Variants in LRRK1 observed in about 807,000 individuals in gnomAD.
The protein encoded by LRRK1 is leucine rich repeat kinase 1.
In LRRK1, 113 loss-of-function variants were observed where a neutral mutation model predicts 209.1. That is an observed-to-expected ratio of 0.54 (90% CI 0.46 to 0.63). LRRK1 has a LOEUF of 0.63. Ranked by LOEUF, LRRK1 falls within the 30% of genes least tolerant of loss-of-function variation. The pLI is 0.00. For missense variants in LRRK1, 2,284 were observed against 2,632.2 expected (o/e 0.87, Z 2.89); for synonymous variants, 1,144 against 1,099.7 (o/e 1.04, Z -0.80).
At chr15:100,922,582 CTG>C (rs1444014908) in intron 1 of LRRK1, among the ~76,000 whole-genome samples, 1 of 152,156 alleles carries the variant, frequency 6.6e-6, no homozygotes, top group Non-Finnish European at 1.5e-5. Flanking sequence ...CAGATGGCAA[CTG>C]TGCTTCTCAG....
At chr15:100,992,505 T>G (rs983211863) in intron 6 of LRRK1, among the ~76,000 whole-genome samples, 1 of 152,246 alleles carries the variant, frequency 6.6e-6, no homozygotes, top group African/African-American at 2.4e-5. Context: ...CTTTCAAACT[T>G]AATCAAATTA....
intron 6 of LRRK1, among the ~76,000 whole-genome samples, chr15:101,005,006 T>C (rs2032874987): frequency 6.6e-6 from 1 of 152,246 alleles, no homozygotes; most frequent in South Asian, 2.1e-4. Flanking sequence ...CCCTGCATCT[T>C]GCATTTGGCT....
chr15:100,937,977 A>C (rs1178632301), intron 2 of LRRK1, among the ~76,000 whole-genome samples: 1 of 151,552 alleles, frequency 6.6e-6, no homozygotes, highest in Non-Finnish European at 1.5e-5. Context: ...CATCCTCCTA[A>C]GTAGCTGGGA....
chr15:101,032,307 G>A (rs538201999), intron 20 of LRRK1, among the ~76,000 whole-genome samples: 5 of 151,168 alleles, frequency 3.3e-5, no homozygotes, highest in Non-Finnish European at 5.9e-5. Context: ...TATTCTTTAA[G>A]TTCTAGGGTA....
At chr15:101,016,934 GTT>G (rs2033565588) in intron 12 of LRRK1, among the ~76,000 whole-genome samples, 1 of 152,214 alleles carries the variant, frequency 6.6e-6, no homozygotes, top group Non-Finnish European at 1.5e-5. Flanking sequence ...AACAAGGCCA[GTT>G]CAGCAGAGAG....
intron 2 of LRRK1, among the ~76,000 whole-genome samples, chr15:100,928,881 G>A (rs763071335): frequency 2.0e-5 from 3 of 152,134 alleles, no homozygotes; most frequent in African/African-American, 4.8e-5. Context: ...CTGTGTGTTT[G>A]TGCAACACAA....
chr15:101,021,614 A>G (rs2033790707), intron 13 of LRRK1: 3 of 537,134 alleles, frequency 5.6e-6, no homozygotes, highest in South Asian at 2.6e-5. Context: ...AAGTTGGGGG[A>G]GGGGACTCAA....
At chr15:101,052,127 T>G (rs1288544876) in intron 24 of LRRK1, among the ~76,000 whole-genome samples, 167 bp downstream of exon 24, 1 of 152,230 alleles carries the variant, frequency 6.6e-6, no homozygotes, top group Middle Eastern at 3.2e-3. Context: ...CTCGGCTGCC[T>G]GAAAGGAACC....
intron 6 of LRRK1, among the ~76,000 whole-genome samples, chr15:100,992,411 T>C (rs553863477): frequency 4.3e-4 from 66 of 152,338 alleles, no homozygotes; most frequent in South Asian, 1.2e-3. Context: ...TAATGTTGCA[T>C]TGACATTTTT....
chr15:101,060,301 A>T (rs2036085881), intron 29 of LRRK1, among the ~76,000 whole-genome samples: 1 of 152,176 alleles, frequency 6.6e-6, no homozygotes, highest in Admixed American at 6.5e-5. Context: ...GAACAGGGGC[A>T]ATTATTCTTT....
intron 2 of LRRK1, among the ~76,000 whole-genome samples, chr15:100,956,456 T>TTTTTCTTTTCTTTTC (rs1491498027): frequency 2.4e-4 from 14 of 58,800 alleles, no homozygotes; most frequent in African/African-American, 7.8e-4. Flanking sequence ...TTTTTTTTTC[T>TTTTTCTTTTCTTTTC]TTTTTTTTTT....
At chr15:101,016,064 C>T (rs554413790) in intron 12 of LRRK1, among the ~76,000 whole-genome samples, 1 of 151,518 alleles carries the variant, frequency 6.6e-6, no homozygotes, top group Admixed American at 6.6e-5. Flanking sequence ...ATCTTGGCTC[C>T]CTGCAACCTC....
chr15:101,009,776 C>T (rs2033146595), intron 7 of LRRK1, among the ~76,000 whole-genome samples: 1 of 151,898 alleles, frequency 6.6e-6, no homozygotes, highest in Non-Finnish European at 1.5e-5. Context: ...TTAGTAGAGA[C>T]GGGGTTTCAC....
At chr15:101,044,790 A>C (rs1022227007) in intron 20 of LRRK1, among the ~76,000 whole-genome samples, 3 of 152,250 alleles carry the variant, frequency 2.0e-5, no homozygotes, top group African/African-American at 7.2e-5. Flanking sequence ...GATGCATGAG[A>C]TGAAGTAGAA....
intron 20 of LRRK1, among the ~76,000 whole-genome samples, chr15:101,031,628 G>T (rs1407109962): frequency 6.6e-6 from 1 of 152,084 alleles, no homozygotes; most frequent in African/African-American, 2.4e-5. Context: ...ACCAGGAGTG[G>T]AATTGCTGGA....
At chr15:101,030,013 G>A (rs2034211918) in intron 20 of LRRK1, among the ~76,000 whole-genome samples, 1 of 152,182 alleles carries the variant, frequency 6.6e-6, no homozygotes, top group Non-Finnish European at 1.5e-5. Flanking sequence ...GTCAAATAGA[G>A]GCATTCCATA....
intron 29 of LRRK1, among the ~76,000 whole-genome samples, chr15:101,060,513 G>A (rs567839185): frequency 6.6e-6 from 1 of 152,362 alleles, no homozygotes; most frequent in African/African-American, 2.4e-5. Context: ...TTGGTGGCAG[G>A]AGAAACTTTA....
In LRRK1 at chr15:101,002,565, G is replaced by A. The variant is rs1307156517; in HGVS notation, c.763-6272G>A. ...TCCTTAACCAGCTGTCTTTGATTTTGTAGTTTAGCCTTCATGGATAGGATT... is the reference window on the plus strand; with the variant it reads ...TCCTTAACCAGCTGTCTTTGATTTTATAGTTTAGCCTTCATGGATAGGATT... On this transcript the variant is annotated intron_variant, in intron 6 of 33. Coordinates refer to ENST00000388948, the MANE Select transcript of LRRK1 (RefSeq NM_024652.6). Among the ~76,000 whole-genome samples the A allele has an allele frequency of 2.6e-5, 4 of 152,132 alleles. 1 individual carries two copies. The South Asian group carries it at 8.3e-4, about 32-fold the overall frequency.
intron 31 of LRRK1, among the ~76,000 whole-genome samples, chr15:101,064,106 G>A (rs1224273970): frequency 6.6e-6 from 1 of 152,270 alleles, no homozygotes; most frequent in Non-Finnish European, 1.5e-5. Context: ...ACCCAGCCGG[G>A]ACGTGGCACT....
Sources: allele counts gnomAD v4.1 joint callset (sites outside exome capture counted in the v4.1 genomes callset), GRCh38; gene constraint gnomAD v4.1.1; transcripts MANE v1.5; gene names NCBI Gene and HGNC (gene_info 2026-07-23, HGNC 2026-07-21).